SRSF7: variants seen among roughly 807,000 people sequenced by gnomAD.
The protein encoded by SRSF7 is serine/arginine-rich splicing factor 7.
SRSF7 carries 15 observed loss-of-function variants against 42.2 expected under a neutral mutation model. The ratio of observed to expected loss-of-function variants is 0.36; its 90% confidence interval spans 0.24 to 0.55. SRSF7 has a LOEUF of 0.55. SRSF7 is among the 20% of genes least tolerant of loss of function. SRSF7 has a pLI of 0.88. For synonymous variants in SRSF7, 138 were observed against 107.9 expected (o/e 1.28, Z -1.73); for missense variants, 181 against 305.9 (o/e 0.59, Z 3.04).
Position 38,749,946 on chromosome 2 carries a change from T to G in SRSF7, c.209+68A>C. 4 of 1,495,636 alleles carry G rather than the reference T, an allele frequency of 2.7e-6. No individual in the cohort carries two copies. The South Asian group carries it at 5.3e-5, about 20-fold the overall frequency. 92.6% of individuals were successfully genotyped at this position (1,495,636 alleles called of 1,614,324 possible). ...TCTTCCAGACTTCAGAATCCAAATTTAGCACTAAGTTCATTATCTAGCCAC... is the reference window on the plus strand; with the variant it reads ...TCTTCCAGACTTCAGAATCCAAATTGAGCACTAAGTTCATTATCTAGCCAC... On this transcript the variant is annotated intron_variant, in intron 2 of 7. Transcript: ENST00000313117.
At position 38,744,245 on chromosome 2, in the gene SRSF7, G is replaced by C; in HGVS notation, c.*888C>G. The C allele has an allele frequency of 3.0e-4, 46 of 152,702 alleles. No individual in the cohort carries two copies. Among genetic ancestry groups the C allele is most frequent in the African/African-American group, 9.9e-4 (41 of 41,562 alleles). The allele number at this position is 152,702 out of a possible 1,614,324, so 9.5% of individuals were successfully genotyped here. A position where few individuals can be genotyped will look rare whatever the true frequency, so the allele number is the denominator to read the frequency against. ...AACAACAGGTCTTTGCTCAGAATAA[G>C]ACAATCCATTTGAATAGATGAAGAG... On this transcript the variant is annotated 3_prime_UTR_variant, in exon 8 of 8. Coordinates refer to ENST00000313117, the MANE Select transcript of SRSF7 (RefSeq NM_001031684.3).
At chr2:38,746,780 C>A in intron 5 of SRSF7, 33 bp from the exon 6 acceptor site, 1 of 1,611,860 alleles carries the variant, frequency 6.2e-7, no homozygotes, top group East Asian at 2.2e-5. Flanking sequence ...ACAATTATAT[C>A]AATCAGTCCA....
intron 3 of SRSF7, 127 bp from the exon 4 acceptor site, chr2:38,748,780 G>C: frequency 8.1e-7 from 1 of 1,229,238 alleles, no homozygotes; most frequent in Non-Finnish European, 1.1e-6. Flanking sequence ...AATAAACTCT[G>C]GGCCTATTAG....
At chr2:38,745,302 A>G in intron 7 of SRSF7, 115 bp from the exon 8 acceptor site, 1 of 1,022,190 alleles carries the variant, frequency 9.8e-7, no homozygotes, top group Non-Finnish European at 1.5e-6. Flanking sequence ...TCCTATAGCA[A>G]AGACCTAAAA....
chr2:38,750,541 A>T (rs1225338267), intron 1 of SRSF7, among the ~76,000 whole-genome samples: 2 of 151,518 alleles, frequency 1.3e-5, no homozygotes, highest in Non-Finnish European at 2.9e-5. Flanking sequence ...CCGCAGCGGC[A>T]GCGGCGTCGG....
chr2:38,748,897 C>A, intron 3 of SRSF7: 1 of 1,382,978 alleles, frequency 7.2e-7, no homozygotes, highest in Non-Finnish European at 9.4e-7. Context: ...TTAAAATAAA[C>A]CTTGCAAGTT....
intron 1 of SRSF7, chr2:38,750,842 C>T (rs1387392165): frequency 3.2e-5 from 9 of 279,270 alleles, no homozygotes; most frequent in African/African-American, 1.7e-4. Context: ...CCAGATCTGT[C>T]CGCTGAAGTG....
At chr2:38,747,333 C>G (rs1295519897) in intron 5 of SRSF7, among the ~76,000 whole-genome samples, 1 of 152,192 alleles carries the variant, frequency 6.6e-6, no homozygotes, top group Non-Finnish European at 1.5e-5. Context: ...TCATAGCTTT[C>G]TCAAATAGAC....
chr2:38,746,680 A>T lies in SRSF7; in HGVS notation c.626+14T>A. 6.2e-7 allele frequency: 1 copy of T among 1,613,128 alleles called. No homozygotes were observed. The highest frequency in any genetic ancestry group is 8.5e-7 in the Non-Finnish European group (1 of 1,179,758). ...CCATATAACTAGAAAAGCATAATCAAATTTTTACCCTACCTGCTTCTTGGT... is the reference window on the plus strand; with the variant it reads ...CCATATAACTAGAAAAGCATAATCATATTTTTACCCTACCTGCTTCTTGGT... On this transcript the variant is annotated intron_variant, in intron 6 of 7. Transcript: ENST00000313117.
Position 38,744,119 on chromosome 2 carries a change from T to A in SRSF7, c.*1014A>T. 6.6e-6 allele frequency: 1 copy of A among 152,596 alleles called. No individual in the cohort carries two copies. The highest frequency in any genetic ancestry group is 2.4e-5 in the African/African-American group (1 of 41,462). The allele number at this position is 152,596 out of a possible 1,614,324, so 9.5% of individuals were successfully genotyped here. Reference sequence around the variant, plus strand: ...GCTGAGATTTACAAAACCACTTTAGTCTCATTGACATTTCTGATTGACATC... The same window carrying A: ...GCTGAGATTTACAAAACCACTTTAGACTCATTGACATTTCTGATTGACATC... On this transcript the variant is annotated 3_prime_UTR_variant, in exon 8 of 8. Transcript: ENST00000313117.
chr2:38,751,451 G>C (rs1668355894), upstream of SRSF7: 3 of 697,024 alleles, frequency 4.3e-6, no homozygotes, highest in Non-Finnish European at 7.2e-6. Context: ...AAAGGAGCTG[G>C]GCGGAAACAG....
chr2:38,749,111 A>AG lies in SRSF7; in HGVS notation c.386+417dup. The AG allele has an allele frequency of 6.8e-6, 9 of 1,315,970 alleles. No individual in the cohort carries two copies. In the Admixed American group the frequency reaches 9.1e-5, roughly 13 times the overall value. The allele number at this position is 1,315,970 out of a possible 1,614,324, so 81.5% of individuals were successfully genotyped here. A position where few individuals can be genotyped will look rare whatever the true frequency, so the allele number is the denominator to read the frequency against. ...TCTGGTGTTCCTCTTTCTAAACCGG[A>AG]GGGGGGCCCCAATTGTAAGCCAAAT... On this transcript the variant is annotated intron_variant, in intron 3 of 7. Coordinates refer to ENST00000313117, the MANE Select transcript of SRSF7 (RefSeq NM_001031684.3).
At chr2:38,750,654 G>C (rs565517981) in intron 1 of SRSF7, among the ~76,000 whole-genome samples, 1 of 151,574 alleles carries the variant, frequency 6.6e-6, no homozygotes, top group African/African-American at 2.4e-5. Context: ...CAAGACTCCA[G>C]CTCCCCGCCC....
intron 1 of SRSF7, chr2:38,750,931 G>C (rs1291062168): frequency 2.6e-6 from 1 of 383,324 alleles, no homozygotes; most frequent in South Asian, 2.9e-5. Flanking sequence ...GGCGGGGGGG[G>C]AGGGGGGCCG....
At chr2:38,751,391 T>A (rs903738173), upstream of SRSF7, 10 of 1,162,008 alleles carry the variant, frequency 8.6e-6, no homozygotes, top group South Asian at 2.6e-5. Flanking sequence ...CGTTTATATA[T>A]GCGGCCGCTG....
At chr2:38,748,932 T>C in intron 3 of SRSF7, 7 of 1,337,404 alleles carry the variant, frequency 5.2e-6, no homozygotes, top group Non-Finnish European at 5.8e-6. Context: ...CTTTGGCCCA[T>C]GGTCTAGTAG....
chr2:38,749,494 T>G, intron 3 of SRSF7, 35 bp downstream of exon 3: 1 of 1,548,678 alleles, frequency 6.5e-7, no homozygotes. Flanking sequence ...CTTGATTAAC[T>G]AGAATACCAA....
chr2:38,750,030 G>C lies in SRSF7; in HGVS notation c.193C>G (p.Arg65Gly). The stretch of plus-strand genomic sequence containing the variant: ...CTTACTTACTTTCCATCCAGTCCTC[G>C]TACTGCATCTTCTGCATCTCTAGGA... ...EDPRDAEDAV[R>G]GLDGKVICGS... Residue 65 changes from arginine to glycine, a missense_variant, in exon 2 of 8, where the codon CGA becomes GGA. Arg to Gly is a moderately radical substitution (Grantham distance 125). Coordinates refer to ENST00000313117, the MANE Select transcript of SRSF7 (RefSeq NM_001031684.3). 6.2e-7 allele frequency: 1 copy of C among 1,612,060 alleles called. No homozygotes were observed. The highest frequency in any genetic ancestry group is 8.5e-7 in the Non-Finnish European group (1 of 1,179,416).
chr2:38,749,485 T>C lies in SRSF7; in HGVS notation c.386+44A>G, dbSNP rs746658488. The C allele has an allele frequency of 3.2e-6, 5 of 1,545,028 alleles. No individual in the cohort carries two copies. In the South Asian group the frequency reaches 3.7e-5, roughly 12 times the overall value. On this transcript the variant is annotated intron_variant, in intron 3 of 7. Coordinates refer to ENST00000313117, the MANE Select transcript of SRSF7 (RefSeq NM_001031684.3). ...TCTGCCTTGCTAATAAAAGAATTAC[T>C]TGATTAACTAGAATACCAACCATTC... is the stretch of plus-strand genomic sequence containing the variant.
Sources: allele counts gnomAD v4.1 joint callset (sites outside exome capture counted in the v4.1 genomes callset), GRCh38; gene constraint gnomAD v4.1.1; transcripts MANE v1.5; gene names NCBI Gene and HGNC (gene_info 2026-07-23, HGNC 2026-07-21).